Variants in EFNA5 observed in about 807,000 individuals in gnomAD.
EFNA5 encodes ephrin-A5.
Under a neutral mutation model 22.9 loss-of-function variants are expected in EFNA5, and 5 were observed. The observed-to-expected ratio is 0.22, with a 90% CI of 0.11 to 0.46. EFNA5 has a LOEUF of 0.46. Ranked by LOEUF, EFNA5 falls within the 20% of genes least tolerant of loss-of-function variation. The pLI, the probability that EFNA5 is intolerant of heterozygous loss-of-function variation, is 0.99. For missense variants in EFNA5, 237 were observed against 293.3 expected, an observed-to-expected ratio of 0.81 and a Z score of 1.40; for synonymous variants, 113 against 112.2, an observed-to-expected ratio of 1.01 and a Z score of -0.04.
chr5:107,565,962 T>A (rs1748658864), intron 1 of EFNA5, among the ~76,000 whole-genome samples: 2 of 152,252 alleles, frequency 1.3e-5, no homozygotes, highest in African/African-American at 4.8e-5. Flanking sequence ...CCTTTTGTCA[T>A]ATGTACAGAA....
At chr5:107,381,931 C>T (rs759644194) in intron 4 of EFNA5, among the ~76,000 whole-genome samples, 12 of 152,328 alleles carry the variant, frequency 7.9e-5, no homozygotes, top group Non-Finnish European at 1.8e-4. Flanking sequence ...ATAAACTATA[C>T]ATCATGCCTA....
chr5:107,657,864 C>G (rs551104203), intron 1 of EFNA5, among the ~76,000 whole-genome samples: 40 of 149,218 alleles, frequency 2.7e-4, no homozygotes, highest in Admixed American at 5.3e-4. Context: ...TCAGTAAAAA[C>G]AAAAAACAAA....
intron 2 of EFNA5, among the ~76,000 whole-genome samples, chr5:107,418,482 T>C (rs1039793174): frequency 3.3e-5 from 5 of 152,208 alleles, no homozygotes; most frequent in Non-Finnish European, 7.3e-5. Flanking sequence ...CTTTAATTTG[T>C]TTCCATTTCA....
At position 107,583,679 on chromosome 5, in the gene EFNA5, G is replaced by A. The variant is rs544114354; in HGVS notation, c.125+86810C>T. ...AGAAAAAGGATCTACATAATGGGAC[G>A]TCAGCACTGTTAGGGAAAATTGGTT... On this transcript the variant is annotated intron_variant, in intron 1 of 4. Coordinates refer to ENST00000333274, the MANE Select transcript of EFNA5 (RefSeq NM_001962.3). Among the ~76,000 whole-genome samples, 68 of 152,316 alleles carry A rather than the reference G, an allele frequency of 4.5e-4. 3 individuals carry two copies. The South Asian group carries it at 0.013, about 29-fold the overall frequency.
intron 1 of EFNA5, among the ~76,000 whole-genome samples, chr5:107,642,150 A>G (rs968351256): frequency 1.3e-5 from 2 of 152,164 alleles, no homozygotes; most frequent in Non-Finnish European, 2.9e-5. Context: ...CTACTTAATG[A>G]GACATTTCAC....
chr5:107,390,525 AATAG>A lies in EFNA5; in HGVS notation c.419-2758_419-2755del, dbSNP rs1349742214. Among the ~76,000 whole-genome samples the A allele has an allele frequency of 3.3e-5, 5 of 152,288 alleles. No individual in the cohort carries two copies. The East Asian group carries it at 7.7e-4, about 24-fold the overall frequency. On this transcript the variant is annotated intron_variant, in intron 2 of 4. Coordinates refer to ENST00000333274, the MANE Select transcript of EFNA5 (RefSeq NM_001962.3). Reference sequence around the variant, plus strand: ...AAAATCTCAGGATCAATTTATGAGCAATAGATAGAGCTGAGGATGGAAATGAGGG... The same window carrying A: ...AAAATCTCAGGATCAATTTATGAGCAATAGAGCTGAGGATGGAAATGAGGG...
intron 1 of EFNA5, among the ~76,000 whole-genome samples, chr5:107,581,226 C>T (rs1327509997): frequency 6.6e-6 from 1 of 152,186 alleles, no homozygotes; most frequent in Non-Finnish European, 1.5e-5. Flanking sequence ...TTGGAACAAA[C>T]TAATACAGGT....
intron 1 of EFNA5, among the ~76,000 whole-genome samples, chr5:107,552,158 T>C (rs1489657323): frequency 1.3e-5 from 2 of 152,170 alleles, no homozygotes; most frequent in Non-Finnish European, 2.9e-5. Flanking sequence ...CTGCAAAACA[T>C]GACCAGGGCT....
intron 1 of EFNA5, among the ~76,000 whole-genome samples, chr5:107,605,209 T>C (rs1476682617): frequency 6.6e-6 from 1 of 152,050 alleles, no homozygotes; most frequent in Non-Finnish European, 1.5e-5. Flanking sequence ...TCTGTGTTTA[T>C]ATTCTTCTCC....
chr5:107,500,417 T>C (rs900150587), intron 1 of EFNA5, among the ~76,000 whole-genome samples: 4 of 152,216 alleles, frequency 2.6e-5, no homozygotes, highest in Non-Finnish European at 5.9e-5. Flanking sequence ...TGTAATAATT[T>C]TGCCAGGGTA....
At chr5:107,620,810 G>A (rs771025287) in intron 1 of EFNA5, among the ~76,000 whole-genome samples, 2 of 152,146 alleles carry the variant, frequency 1.3e-5, no homozygotes, top group Non-Finnish European at 2.9e-5. Context: ...TATAAAATAA[G>A]TACTACGATA....
intron 1 of EFNA5, among the ~76,000 whole-genome samples, chr5:107,564,203 T>C (rs1748612303): frequency 6.6e-6 from 1 of 152,208 alleles, no homozygotes. Context: ...GTGTCCAGCA[T>C]AAATCATTTT....
chr5:107,382,021 G>C (rs1217135579), intron 4 of EFNA5, among the ~76,000 whole-genome samples: 1 of 152,200 alleles, frequency 6.6e-6, no homozygotes, highest in African/African-American at 2.4e-5. Flanking sequence ...TACAAACCCT[G>C]TATTTCTAAG....
intron 1 of EFNA5, among the ~76,000 whole-genome samples, chr5:107,501,644 A>C (rs1747139303): frequency 6.6e-6 from 1 of 152,222 alleles, no homozygotes; most frequent in Non-Finnish European, 1.5e-5. Context: ...TTAAAACTGT[A>C]ATATCATTTT....
intron 1 of EFNA5, among the ~76,000 whole-genome samples, chr5:107,567,123 G>T (rs1484793737): frequency 2.0e-5 from 3 of 152,114 alleles, no homozygotes; most frequent in African/African-American, 7.2e-5. Context: ...AGAAAGAGTT[G>T]TCCTATGTGT....
Position 107,380,580 on chromosome 5 carries a change from G to GAA in EFNA5, c.*673_*674dup, listed in dbSNP as rs200218848. ...CATTCCACACCCAACCTGCCTCCTA[G>GAA]AAAAAAAAAAAAGGCTTCTTTTAGA... On this transcript the variant is annotated 3_prime_UTR_variant, in exon 5 of 5. Coordinates refer to ENST00000333274, the MANE Select transcript of EFNA5 (RefSeq NM_001962.3). 1,993 of 281,304 alleles carry GAA rather than the reference G, an allele frequency of 7.1e-3. No individual in the cohort carries two copies. The highest frequency in any genetic ancestry group is 0.022 in the East Asian group (426 of 19,038). 17.4% of individuals were successfully genotyped at this position (281,304 alleles called of 1,614,324 possible).
chr5:107,554,810 CT>C (rs1394711965), intron 1 of EFNA5, among the ~76,000 whole-genome samples: 1 of 152,146 alleles, frequency 6.6e-6, no homozygotes. Context: ...GGCTATGTAC[CT>C]TGGCCAAGGT....
rs575333270 is a variant in EFNA5 at position 107,633,791 on chromosome 5, T to C, written c.125+36698A>G. Among the ~76,000 whole-genome samples the C allele has an allele frequency of 3.3e-5, 5 of 152,278 alleles. No individual in the cohort carries two copies. The East Asian group carries it at 5.8e-4, about 18-fold the overall frequency. On this transcript the variant is annotated intron_variant, in intron 1 of 4. Coordinates refer to ENST00000333274, the MANE Select transcript of EFNA5 (RefSeq NM_001962.3). ...ACAGGGAGGAAAGGGGCAAACTGAATGAACTGTTCACAAACGTATTCACAC... is the reference window on the plus strand; with the variant it reads ...ACAGGGAGGAAAGGGGCAAACTGAACGAACTGTTCACAAACGTATTCACAC...
chr5:107,441,842 CAT>C (rs1459526178), intron 1 of EFNA5, among the ~76,000 whole-genome samples: 2 of 152,060 alleles, frequency 1.3e-5, no homozygotes, highest in Non-Finnish European at 2.9e-5. Flanking sequence ...ATTTGTATCA[CAT>C]GTGGAAAATT....
Sources: gnomAD v4.1 joint callset for allele counts (sites outside exome capture counted in the v4.1 genomes callset) on GRCh38, gnomAD v4.1.1 for gene constraint, MANE v1.5 for transcripts, NCBI Gene and HGNC (gene_info 2026-07-23, HGNC 2026-07-21) for gene names.